PDXK: variants seen among roughly 807,000 people sequenced by gnomAD.
PDXK encodes pyridoxal kinase.
In PDXK, 15 loss-of-function variants were observed where a neutral mutation model predicts 43.2. The ratio of observed to expected loss-of-function variants is 0.35; its 90% CI spans 0.23 to 0.53. The LOEUF is 0.53. Ranked by LOEUF, PDXK falls within the 20% of genes least tolerant of loss-of-function variation. PDXK has a pLI of 0.92. For synonymous variants in PDXK, 172 were observed against 165.4 expected (o/e 1.04, Z -0.31); for missense variants, 343 against 417.0 (o/e 0.82, Z 1.54).
In PDXK at chr21:43,755,690, C is replaced by A. The variant is rs8128639; in HGVS notation, c.760-8C>A. 0.21 allele frequency: 330,352 copies of A among 1,608,092 alleles called. 36,778 individuals carry two copies. Among genetic ancestry groups the A allele is most frequent in the Non-Finnish European group, 0.23 (269,332 of 1,174,552 alleles). On this transcript the variant is annotated splice_polypyrimidine_tract_variant and splice_region_variant and intron_variant, in intron 9 of 10. Transcript: ENST00000291565. ...GCCAGGGGCACAGCAAGTCTGTCCTCCCTGCAGGTGGCCTGTGAGAAGACC... is the reference window on the plus strand; with the variant it reads ...GCCAGGGGCACAGCAAGTCTGTCCTACCTGCAGGTGGCCTGTGAGAAGACC...
chr21:43,755,610 T>A, intron 9 of PDXK, 88 bp from the exon 10 acceptor site: 1 of 1,116,616 alleles, frequency 9.0e-7, no homozygotes, highest in Non-Finnish European at 1.4e-6. Context: ...ACGGCCCTTG[T>A]GTTCCCTGGA....
At chr21:43,749,735 G>A (rs534126475) in intron 6 of PDXK, among the ~76,000 whole-genome samples, 1 of 152,310 alleles carries the variant, frequency 6.6e-6, no homozygotes, top group Admixed American at 6.5e-5. Flanking sequence ...GGGCGACCTG[G>A]GGAGCTGTGG....
At position 43,737,849 on chromosome 21, in the gene PDXK, A is replaced by G. The variant is rs1030480637; in HGVS notation, c.142+3726A>G. On this transcript the variant is annotated intron_variant, in intron 2 of 10. Transcript: ENST00000291565. The surrounding 1 kb of genome is among the most constrained non-coding windows in gnomAD (Gnocchi z 4.8). ...TTTGCCTGTGCTTTTTCATCTGTAA[A>G]TGGAATGAGTTGGACACAAGATCCA... 4.1e-6 allele frequency: 4 copies of G among 985,358 alleles called. No individual in the cohort carries two copies. Among genetic ancestry groups the G allele is most frequent in the African/African-American group, 3.5e-5 (2 of 57,262 alleles). 61.0% of individuals were successfully genotyped at this position (985,358 alleles called of 1,614,324 possible).
At chr21:43,729,863 G>A (rs2147218895) in intron 1 of PDXK, among the ~76,000 whole-genome samples, 1 of 152,154 alleles carries the variant, frequency 6.6e-6, no homozygotes, top group South Asian at 2.1e-4. Flanking sequence ...AGAATCAATT[G>A]AGCCCAGGAG....
intron 5 of PDXK, among the ~76,000 whole-genome samples, chr21:43,747,657 C>T (rs1319992428): frequency 6.6e-6 from 1 of 152,234 alleles, no homozygotes; most frequent in Non-Finnish European, 1.5e-5. Context: ...CTGGTGTGGG[C>T]TCTGCTGACC....
At chr21:43,753,266 GCA>G (rs1171881071) in intron 8 of PDXK, among the ~76,000 whole-genome samples, 2 of 152,164 alleles carry the variant, frequency 1.3e-5, no homozygotes, top group East Asian at 3.9e-4. Flanking sequence ...GTGGGCACAC[GCA>G]CACACATGCA....
intron 5 of PDXK, chr21:43,747,239 A>C: frequency 6.6e-6 from 1 of 152,284 alleles, no homozygotes; most frequent in East Asian, 1.9e-4. Context: ...TGGAGAACAA[A>C]TCCACTGTGA....
chr21:43,741,176 CGGGGGGCTCGCG>C lies in PDXK; in HGVS notation c.143-461_143-450del, dbSNP rs1295465050. The stretch of plus-strand genomic sequence containing the variant: ...GGCGGGGGGCTCGCGGGGGGGCTCG[CGGGGGGCTCGCG>C]GGGGGGCTCGCGGGGGGGCTCGCGG... On this transcript the variant is annotated intron_variant, in intron 2 of 10. Transcript: ENST00000291565. The C allele has an allele frequency of 2.2e-3, 2 of 904 alleles. 1 individual carries two copies. Among genetic ancestry groups the C allele is most frequent in the East Asian group, 0.11 (2 of 18 alleles). 0.1% of individuals were successfully genotyped at this position (904 alleles called of 1,614,324 possible).
intron 1 of PDXK, among the ~76,000 whole-genome samples, chr21:43,728,548 C>G (rs1444316379): frequency 1.3e-5 from 2 of 152,134 alleles, no homozygotes; most frequent in East Asian, 3.9e-4. Context: ...CCTGCCTCCC[C>G]GGAGGAGGAG....
rs1340723339 is a variant in PDXK, at chr21:43,750,743, GTGTGTGCA to G, written c.510+206_510+213del. Among the ~76,000 whole-genome samples the G allele has an allele frequency of 5.1e-3, 776 of 151,490 alleles. 9 individuals carry two copies. The highest frequency in any genetic ancestry group is 0.018 in the African/African-American group (741 of 41,202). ...TGGACATGTTTGTGCATGTGTGTGT[GTGTGTGCA>G]TGTGTGCGTGTGTGCGCGCGTATTG... On this transcript the variant is annotated intron_variant, in intron 7 of 10. Coordinates refer to ENST00000291565, the MANE Select transcript of PDXK (RefSeq NM_003681.5).
At chr21:43,741,209 C>G (rs866993772) in intron 2 of PDXK, among the ~76,000 whole-genome samples, 1 of 1,762 alleles carries the variant, frequency 5.7e-4, no homozygotes, top group Non-Finnish European at 1.0e-3. Flanking sequence ...CGGGGGGGCT[C>G]GCGGGGGGCT....
At chr21:43,742,661 G>A in intron 3 of PDXK, among the ~76,000 whole-genome samples, 1 of 152,134 alleles carries the variant, frequency 6.6e-6, no homozygotes, top group African/African-American at 2.4e-5. Flanking sequence ...AGGCTCGCTT[G>A]AGACCAGGAG....
At chr21:43,751,306 T>C (rs1601832996) in intron 7 of PDXK, among the ~76,000 whole-genome samples, 2 of 152,244 alleles carry the variant, frequency 1.3e-5, no homozygotes, top group Non-Finnish European at 2.9e-5. Context: ...CCCAGCACTT[T>C]GGGAGACTGA....
chr21:43,746,788 T>C (rs1267304074), intron 5 of PDXK, among the ~76,000 whole-genome samples: 2 of 152,232 alleles, frequency 1.3e-5, no homozygotes, highest in African/African-American at 2.4e-5. Flanking sequence ...AATTTTCATG[T>C]GTCACAAAGT....
intron 5 of PDXK, among the ~76,000 whole-genome samples, chr21:43,747,353 C>T (rs2083656173): frequency 6.6e-6 from 1 of 152,264 alleles, no homozygotes; most frequent in Non-Finnish European, 1.5e-5. Context: ...TCAGTATCTG[C>T]CTTCTTTGTC....
At position 43,750,507 on chromosome 21, in the gene PDXK, A is replaced by T; in HGVS notation, c.472A>T (p.Ser158Cys). The stretch of plus-strand genomic sequence containing the variant: ...TCCCCGCCTGTCTTCCAGGTTACTG[A>T]GTGGCCGGAAGATCCACAGCCAGGA... ...TPNQFEAELL[S>C]GRKIHSQEEA... The change falls in exon 7 of 11, where the codon AGT (serine) becomes TGT (cysteine). Residue 158 changes from serine to cysteine, a missense_variant. By Grantham distance (112) the Ser-to-Cys change is moderately radical. Coordinates refer to ENST00000291565, the MANE Select transcript of PDXK (RefSeq NM_003681.5). 2 of 1,612,622 alleles carry T rather than the reference A, an allele frequency of 1.2e-6. No homozygotes were observed. The highest frequency in any genetic ancestry group is 1.7e-6 in the Non-Finnish European group (2 of 1,179,230).
At chr21:43,725,932 G>A (rs981431294) in intron 1 of PDXK, among the ~76,000 whole-genome samples, 1 of 152,128 alleles carries the variant, frequency 6.6e-6, no homozygotes, top group Non-Finnish European at 1.5e-5. Context: ...TGTTGGAGAC[G>A]CTTCTGAGTG....
At chr21:43,747,930 A>C (rs939992620) in intron 5 of PDXK, among the ~76,000 whole-genome samples, 4 of 152,148 alleles carry the variant, frequency 2.6e-5, no homozygotes, top group African/African-American at 9.7e-5. Flanking sequence ...GGGGACATCC[A>C]CGTGCCACCC....
In PDXK at chr21:43,732,314, T is replaced by C; in HGVS notation, c.88-1755T>C. 6.2e-7 allele frequency: 1 copy of C among 1,602,888 alleles called. No individual in the cohort carries two copies. The highest frequency in any genetic ancestry group is 8.5e-7 in the Non-Finnish European group (1 of 1,173,452). On this transcript the variant is annotated intron_variant, in intron 1 of 10. Transcript: ENST00000291565. The surrounding 1 kb of genome is among the most constrained non-coding windows in gnomAD (Gnocchi z 4.1). ...GGTCCCAGGCTCCCGTCCTGGACCT[T>C]GGCACCCCGCCCCCCGTGCATTGTC...
Sources: allele counts gnomAD v4.1 joint callset (sites outside exome capture counted in the v4.1 genomes callset), GRCh38; gene constraint gnomAD v4.1.1; non-coding constraint Gnocchi (gnomAD v3.1); transcripts MANE v1.5; gene names NCBI Gene and HGNC (gene_info 2026-07-23, HGNC 2026-07-21).